The following NLRP8 variants were observed in gnomAD, a reference collection of about 807,000 sequenced individuals.
NLRP8 encodes the protein NLR family pyrin domain containing 8.
NLRP8 carries 86 observed loss-of-function variants against 88.7 expected under a neutral mutation model. The ratio of observed to expected loss-of-function variants is 0.97; its 90% CI spans 0.81 to 1.16. The LOEUF (loss-of-function observed/expected upper bound fraction) is 1.16, where lower values mean the gene tolerates loss of function less well. Among genes scored for constraint, NLRP8 ranks in the 50% most tolerant of loss-of-function variants. The pLI, the probability that NLRP8 is intolerant of heterozygous loss-of-function variation, is 0.00. For missense variants in NLRP8, 1,342 were observed against 1,286.5 expected, an observed-to-expected ratio of 1.04 and a Z score of -0.66; for synonymous variants, 504 against 494.6, an observed-to-expected ratio of 1.02 and a Z score of -0.25.
At chr19:55,949,095 A>G (rs1179014431) in intron 1 of NLRP8, among the ~76,000 whole-genome samples, 2 of 152,202 alleles carry the variant, frequency 1.3e-5, no homozygotes, top group Non-Finnish European at 2.9e-5. Flanking sequence ...AGTACAGTAC[A>G]CTGAGATATT....
In NLRP8 at chr19:55,952,618, T is replaced by C; in HGVS notation, c.442+6T>C. ...TCTGGAGGAAGGAGAATCTGGTATG[T>C]GCCTGTATCACAGCAGACCCTGGTG... On this transcript the variant is annotated splice_donor_region_variant and intron_variant, in intron 2 of 9. Transcript: ENST00000291971. The C allele has an allele frequency of 6.2e-7, 1 of 1,612,448 alleles. No homozygotes were observed. The highest frequency in any genetic ancestry group is 8.5e-7 in the Non-Finnish European group (1 of 1,178,460).
At chr19:55,972,578 AC>A (rs1342667142) in intron 6 of NLRP8, among the ~76,000 whole-genome samples, 5 of 148,982 alleles carry the variant, frequency 3.4e-5, no homozygotes, top group Admixed American at 6.7e-5. Context: ...ATCCCTTGCC[AC>A]CCCCCACCCT....
intron 9 of NLRP8, among the ~76,000 whole-genome samples, chr19:55,981,618 T>C (rs1436081): frequency 0.052 from 7,848 of 152,306 alleles, 671 homozygotes; most frequent in African/African-American, 0.18. Flanking sequence ...AAGAAACCTG[T>C]TCTTAACGTG....
At chr19:55,957,673 T>TAATATATATA (rs1378405360) in intron 3 of NLRP8, among the ~76,000 whole-genome samples, 2 of 31,206 alleles carry the variant, frequency 6.4e-5, no homozygotes, top group African/African-American at 2.4e-4. Context: ...AAAATAATAA[T>TAATATATATA]TATATATATA....
At position 55,987,811 on chromosome 19, in the gene NLRP8, C is replaced by T. The variant is rs746051201; in HGVS notation, c.3048-3C>T. 2 of 1,612,230 alleles carry T rather than the reference C, an allele frequency of 1.2e-6. No homozygotes were observed. Among genetic ancestry groups the T allele is most frequent in the Admixed American group, 1.7e-5 (1 of 60,004 alleles). ...CCAGCAGCCTTCCTTTACCTCCCTCCAGCTGTATTCCTGCCTGGACTCGAA... is the reference window on the plus strand; with the variant it reads ...CCAGCAGCCTTCCTTTACCTCCCTCTAGCTGTATTCCTGCCTGGACTCGAA... On this transcript the variant is annotated splice_polypyrimidine_tract_variant and splice_region_variant and intron_variant, in intron 9 of 9. Transcript: ENST00000291971.
rs750841734 is a variant in NLRP8, at chr19:55,973,751, C to A, written c.2634C>A (p.Ala878=). Reference sequence around the variant, plus strand: ...CCCACCTGAGCTTGGCAGAAAACGCCTTGAAAGATGAAGGGGCCAAGCATA... The same window carrying A: ...CCCACCTGAGCTTGGCAGAAAACGCATTGAAAGATGAAGGGGCCAAGCATA... Residue 878 remains alanine (A), a synonymous_variant, in exon 7 of 10, where the codon GCC becomes GCA. Transcript: ENST00000291971. The A allele has an allele frequency of 6.2e-7, 1 of 1,614,096 alleles. No homozygotes were observed. Among genetic ancestry groups the A allele is most frequent in the South Asian group, 1.1e-5 (1 of 91,042 alleles).
chr19:55,963,640 C>G (rs1568463099), intron 4 of NLRP8, among the ~76,000 whole-genome samples: 1 of 152,024 alleles, frequency 6.6e-6, no homozygotes, highest in Non-Finnish European at 1.5e-5. Context: ...ACCTTGACCT[C>G]CTGAGCTCAA....
Position 55,979,623 on chromosome 19 carries a change from A to G in NLRP8, c.3047+59A>G, listed in dbSNP as rs117355790. ...ACCACACAAGAGAAGCTCCTTGTAA[A>G]ACGTGAGATGCTGGGCTGGGTGTAG... On this transcript the variant is annotated intron_variant, in intron 9 of 9. Transcript: ENST00000291971. The G allele has an allele frequency of 8.7e-3, 13,738 of 1,580,440 alleles. 530 individuals carry two copies. The Admixed American group carries it at 0.089, about 10-fold the overall frequency.
In NLRP8 at chr19:55,955,050, T is replaced by G. The variant is rs1326436908; in HGVS notation, c.992T>G (p.Leu331Arg). The G allele has an allele frequency of 6.2e-7, 1 of 1,614,130 alleles. No homozygotes were observed. Among genetic ancestry groups the G allele is most frequent in the South Asian group, 1.1e-5 (1 of 91,074 alleles). ...ACGATGCTTCCAGAGGCCACGCTAC[T>G]GATCATGATAAGATTTACCTCTTGG... The change falls in exon 3 of 10, where the codon CTG (leucine) becomes CGG (arginine). Residue 331 changes from leucine to arginine, a missense_variant. By Grantham distance (102) the Leu-to-Arg change is moderately radical. Coordinates refer to ENST00000291971, the MANE Select transcript of NLRP8 (RefSeq NM_176811.2).
At chr19:55,966,463 CCT>C (rs1451325491) in intron 5 of NLRP8, 83 bp downstream of exon 5, 1 of 1,323,218 alleles carries the variant, frequency 7.6e-7, no homozygotes, top group Non-Finnish European at 1.1e-6. Context: ...GCTCAGTTTC[CCT>C]CTGTCCTTTC....
chr19:55,967,906 A>G (rs527512385), intron 5 of NLRP8, among the ~76,000 whole-genome samples: 1 of 152,366 alleles, frequency 6.6e-6, no homozygotes, highest in African/African-American at 2.4e-5. Context: ...TATCACTGCT[A>G]GGGTGCAGCA....
intron 1 of NLRP8, among the ~76,000 whole-genome samples, chr19:55,951,952 A>T (rs977218745): frequency 6.6e-6 from 1 of 151,844 alleles, no homozygotes; most frequent in African/African-American, 2.4e-5. Context: ...AGGTCTTGCT[A>T]TGTTGCCCAA....
intron 8 of NLRP8, among the ~76,000 whole-genome samples, chr19:55,976,514 GC>G (rs1045701176): frequency 2.0e-5 from 3 of 152,060 alleles, no homozygotes; most frequent in African/African-American, 7.2e-5. Flanking sequence ...AAATTTTGGG[GC>G]CCCACTTCGG....
chr19:55,955,054 CATGAT>C lies in NLRP8; in HGVS notation c.998_1002del (p.Met333LysfsTer24). 2.5e-6 allele frequency: 4 copies of C among 1,614,106 alleles called. No homozygotes were observed. The highest frequency in any genetic ancestry group is 3.4e-6 in the Non-Finnish European group (4 of 1,180,018). On this transcript the variant is annotated frameshift_variant, in exon 3 of 10. Coordinates refer to ENST00000291971, the MANE Select transcript of NLRP8 (RefSeq NM_176811.2). LOFTEE classifies it high-confidence loss of function. ...TGCTTCCAGAGGCCACGCTACTGAT[CATGAT>C]AAGATTTACCTCTTGGCAGACATGC...
At chr19:55,964,474 G>A (rs1246769140) in intron 4 of NLRP8, among the ~76,000 whole-genome samples, 20 of 152,188 alleles carry the variant, frequency 1.3e-4, no homozygotes, top group Admixed American at 1.3e-3. Flanking sequence ...ATAGCCGGTC[G>A]GGCGTGGTGG....
intron 9 of NLRP8, among the ~76,000 whole-genome samples, chr19:55,981,724 A>C (rs1453238953): frequency 6.6e-6 from 1 of 152,170 alleles, no homozygotes; most frequent in Non-Finnish European, 1.5e-5. Context: ...GAGCTCTAAA[A>C]ATGAAGTGTA....
At chr19:55,971,921 T>TG (rs1484850408) in intron 6 of NLRP8, among the ~76,000 whole-genome samples, 1 of 152,178 alleles carries the variant, frequency 6.6e-6, no homozygotes, top group Non-Finnish European at 1.5e-5. Flanking sequence ...TACTAGCGAC[T>TG]ATTTTTTTAT....
intron 4 of NLRP8, among the ~76,000 whole-genome samples, chr19:55,963,775 G>C (rs1979717076): frequency 6.6e-6 from 1 of 151,990 alleles, no homozygotes; most frequent in Admixed American, 6.6e-5. Flanking sequence ...GGCTGGCTTT[G>C]AACTGCTGAT....
At chr19:55,981,884 T>A (rs1980587375) in intron 9 of NLRP8, among the ~76,000 whole-genome samples, 1 of 143,286 alleles carries the variant, frequency 7.0e-6, no homozygotes, top group East Asian at 2.1e-4. Context: ...TCAGGTATCA[T>A]CCAGGTTGGT....
Sources: allele counts gnomAD v4.1 joint callset (sites outside exome capture counted in the v4.1 genomes callset), GRCh38; gene constraint gnomAD v4.1.1; transcripts MANE v1.5; gene names NCBI Gene and HGNC (gene_info 2026-07-23, HGNC 2026-07-21).